Variants in OSBPL1A observed in about 807,000 individuals in gnomAD.
The protein encoded by OSBPL1A is oxysterol binding protein like 1A.
OSBPL1A carries 80 observed loss-of-function variants against 137.1 expected under a neutral mutation model. The observed-to-expected ratio is 0.58, with a 90% CI of 0.49 to 0.70. The LOEUF (loss-of-function observed/expected upper bound fraction) is 0.70. OSBPL1A is among the 30% of genes least tolerant of loss of function. OSBPL1A has a pLI of 0.00. For missense variants in OSBPL1A, 970 were observed against 1,129.4 expected (o/e 0.86, Z 2.02); for synonymous variants, 365 against 389.7 (o/e 0.94, Z 0.75).
At chr18:24,187,335 G>A (rs751486942) in intron 18 of OSBPL1A, among the ~76,000 whole-genome samples, 5 of 152,174 alleles carry the variant, frequency 3.3e-5, no homozygotes, top group Admixed American at 2.6e-4. Flanking sequence ...ACAGCAGTGC[G>A]AGTGTACTGA....
intron 1 of OSBPL1A, among the ~76,000 whole-genome samples, chr18:24,381,310 G>A (rs1906576127): frequency 6.6e-6 from 1 of 152,204 alleles, no homozygotes; most frequent in Non-Finnish European, 1.5e-5. Context: ...GACAGGCCAG[G>A]GTGGTCAGAC....
chr18:24,169,368 G>A (rs1009815077), intron 24 of OSBPL1A, among the ~76,000 whole-genome samples: 1 of 152,174 alleles, frequency 6.6e-6, no homozygotes, highest in African/African-American at 2.4e-5. Flanking sequence ...ACTGGTCTTC[G>A]GTAGGTCTGA....
chr18:24,171,591 GTTTATGGA>G, intron 22 of OSBPL1A, 93 bp from the exon 23 acceptor site: 1 of 961,880 alleles, frequency 1.0e-6, no homozygotes, highest in Middle Eastern at 2.5e-4. Flanking sequence ...AGCAGCTACT[GTTTATGGA>G]TTTTCTCTGT....
chr18:24,365,022 C>T (rs1006255514), intron 4 of OSBPL1A, among the ~76,000 whole-genome samples: 1 of 29,730 alleles, frequency 3.4e-5, no homozygotes, highest in Non-Finnish European at 7.6e-5. Flanking sequence ...CAAAAAACAA[C>T]AACAAAAAAA....
chr18:24,205,913 CAG>C (rs2087358567), intron 17 of OSBPL1A, among the ~76,000 whole-genome samples: 1 of 152,176 alleles, frequency 6.6e-6, no homozygotes, highest in Non-Finnish European at 1.5e-5. Flanking sequence ...TGTTTTGAGA[CAG>C]AGTCTCGATC....
chr18:24,163,499 T>G (rs2086069030), intron 27 of OSBPL1A, among the ~76,000 whole-genome samples: 1 of 152,182 alleles, frequency 6.6e-6, no homozygotes, highest in Non-Finnish European at 1.5e-5. Context: ...GCAAAAGGCA[T>G]ATGGATTTCC....
At chr18:24,226,247 G>C (rs1314516571) in intron 16 of OSBPL1A, among the ~76,000 whole-genome samples, 2 of 152,154 alleles carry the variant, frequency 1.3e-5, no homozygotes, top group Non-Finnish European at 2.9e-5. Context: ...GTGGAGGTGA[G>C]GTAGGACAAT....
At chr18:24,177,177 G>A (rs915957308) in intron 21 of OSBPL1A, among the ~76,000 whole-genome samples, 1 of 152,188 alleles carries the variant, frequency 6.6e-6, no homozygotes, top group Admixed American at 6.5e-5. Flanking sequence ...ATCGCAGCAG[G>A]AGTGTAGCTA....
chr18:24,361,279 A>C (rs8085390), intron 4 of OSBPL1A, among the ~76,000 whole-genome samples: 49,063 of 152,118 alleles, frequency 0.32, 8,091 homozygotes, highest in Non-Finnish European at 0.35. Flanking sequence ...CACCTGCCTC[A>C]GCGCCCCAAA....
chr18:24,289,580 C>T (rs992002155), intron 14 of OSBPL1A, among the ~76,000 whole-genome samples: 8 of 152,064 alleles, frequency 5.3e-5, no homozygotes, highest in East Asian at 1.9e-4. Flanking sequence ...CCACAACATT[C>T]GGCTAATTTT....
At chr18:24,167,268 G>T (rs566161590) in intron 25 of OSBPL1A, 61 bp downstream of exon 25, 2 of 1,494,080 alleles carry the variant, frequency 1.3e-6, no homozygotes, top group South Asian at 2.3e-5. Flanking sequence ...CACGTGCCAG[G>T]AAAGAGCGCC....
intron 7 of OSBPL1A, among the ~76,000 whole-genome samples, chr18:24,326,064 GAAAAGAAA>G (rs750339625): frequency 4.3e-4 from 63 of 146,320 alleles, no homozygotes; most frequent in Admixed American, 8.1e-4. Flanking sequence ...TTATTTTTTA[GAAAAGAAA>G]AAAAGAAAAA....
chr18:24,349,102 G>A (rs1358020205), intron 4 of OSBPL1A, among the ~76,000 whole-genome samples: 1 of 152,140 alleles, frequency 6.6e-6, no homozygotes, highest in African/African-American at 2.4e-5. Flanking sequence ...AGGAGGTCGA[G>A]GCTGCAATTA....
intron 14 of OSBPL1A, among the ~76,000 whole-genome samples, chr18:24,287,772 A>AAAAATAAATT (rs372733907): frequency 2.9e-5 from 4 of 136,108 alleles, no homozygotes; most frequent in African/African-American, 5.6e-5. Context: ...ACTCTGTCTC[A>AAAAATAAATT]AAAATAAAAT....
In OSBPL1A at chr18:24,178,089, T is replaced by C. The variant is rs199658243; in HGVS notation, c.2017A>G (p.Ile673Val). The change falls in exon 21 of 28, where the codon ATC becomes GTC. Residue 673 changes from isoleucine (I) to valine (V), a missense_variant. By Grantham distance (29) the Ile-to-Val change is conservative. This residue lies in a region of OSBPL1A where 323 missense variants were observed against 456.8 expected (regional missense o/e 0.71). Coordinates refer to ENST00000319481, the MANE Select transcript of OSBPL1A (RefSeq NM_080597.4). ...CCCCAGAATTTCAGTTTGGGATAGA[T>C]AGAGCCATGAAAGATGAAGTCATTG... The part of the protein sequence containing the change: ...LNNDFIFHGS[I>V]YPKLKFWGKS... 204 of 1,613,364 alleles carry C rather than the reference T, an allele frequency of 1.3e-4. No individual in the cohort carries two copies. The highest frequency in any genetic ancestry group is 1.6e-4 in the Non-Finnish European group (192 of 1,179,818).
At chr18:24,314,467 G>T (rs2090681176) in intron 11 of OSBPL1A, 120 bp from the exon 12 acceptor site, 1 of 601,678 alleles carries the variant, frequency 1.7e-6, no homozygotes, top group Non-Finnish European at 2.8e-6. Context: ...GAACACTTAA[G>T]TATTGACAGA....
intron 16 of OSBPL1A, among the ~76,000 whole-genome samples, chr18:24,232,851 C>G (rs1426548469): frequency 2.6e-5 from 4 of 152,108 alleles, no homozygotes; most frequent in Non-Finnish European, 5.9e-5. Context: ...TCCAAGTGTT[C>G]AAGATTTAAA....
At chr18:24,235,648 T>C (rs1768790171) in intron 16 of OSBPL1A, among the ~76,000 whole-genome samples, 2 of 152,152 alleles carry the variant, frequency 1.3e-5, no homozygotes, top group Non-Finnish European at 2.9e-5. Flanking sequence ...AGAAATAGTA[T>C]CTGGGAGGAA....
intron 15 of OSBPL1A, among the ~76,000 whole-genome samples, chr18:24,240,626 G>A (rs557466144): frequency 2.6e-5 from 4 of 152,296 alleles, no homozygotes; most frequent in African/African-American, 9.6e-5. Flanking sequence ...TCTCTTGTTC[G>A]TTAGTTTCCT....
Sources: allele counts gnomAD v4.1 joint callset (sites outside exome capture counted in the v4.1 genomes callset), GRCh38; gene constraint gnomAD v4.1.1; regional missense constraint gnomAD v4.1.1; transcripts MANE v1.5; gene names NCBI Gene and HGNC (gene_info 2026-07-23, HGNC 2026-07-21).